ZFP30: variants seen among roughly 807,000 people sequenced by gnomAD.
The protein encoded by ZFP30 is ZFP30 zinc finger protein, also known as zinc finger protein 30 homolog.
In ZFP30, 16 loss-of-function variants were observed where a neutral mutation model predicts 12.3. The observed-to-expected ratio is 1.30, with a 90% CI of 0.88 to 1.98. The LOEUF is 1.98. Ranked by LOEUF, ZFP30 falls within the 30% of genes most tolerant of loss-of-function variation. The probability of loss-of-function intolerance (pLI) is 0.00; values close to 1 mark genes in which losing one functional copy is unlikely to be tolerated. For synonymous variants in ZFP30, 172 were observed against 201.0 expected, an observed-to-expected ratio of 0.86 and a Z score of 1.22; for missense variants, 560 against 611.2, an observed-to-expected ratio of 0.92 and a Z score of 0.88.
chr19:37,655,775 G>A (rs1307476573), upstream of ZFP30: 2 of 152,156 alleles, frequency 1.3e-5, no homozygotes, highest in African/African-American at 4.8e-5. Flanking sequence ...CTCGGAGACA[G>A]GCGGAGGCTG....
rs774598187 is a variant in ZFP30 at position 37,635,206 on chromosome 19, C to G, written c.1335G>C (p.Lys445Asn). Residue 445 changes from lysine (K) to asparagine (N), a missense_variant, in exon 6 of 6, where the codon AAG becomes AAC. Lys to Asn is a moderately conservative substitution (Grantham distance 94, BLOSUM62 0). Coordinates refer to ENST00000684514, the MANE Select transcript of ZFP30 (RefSeq NM_001320669.3). The part of the protein sequence containing the change: ...EKPFKCKECE[K>N]TFRLLSQLTQ... ...TAAGTTGTGAAAGCAGTCTAAAAGTCTTCTCACATTCCTTACACTTAAAGG... is the reference window on the plus strand; with the variant it reads ...TAAGTTGTGAAAGCAGTCTAAAAGTGTTCTCACATTCCTTACACTTAAAGG... 1 of 1,613,430 alleles carries G rather than the reference C, an allele frequency of 6.2e-7. No individual in the cohort carries two copies. Among genetic ancestry groups the G allele is most frequent in the Non-Finnish European group, 8.5e-7 (1 of 1,179,628 alleles).
chr19:37,640,750 TA>T (rs2044418758), intron 5 of ZFP30, among the ~76,000 whole-genome samples: 1 of 151,208 alleles, frequency 6.6e-6, no homozygotes, highest in Non-Finnish European at 1.5e-5. Flanking sequence ...TAAAATAAAG[TA>T]AAATAAAATA....
At chr19:37,641,377 C>A (rs188285022) in intron 5 of ZFP30, among the ~76,000 whole-genome samples, 2 of 152,296 alleles carry the variant, frequency 1.3e-5, no homozygotes, top group Admixed American at 6.5e-5. Context: ...ATAGTTTAAC[C>A]TTATTTTCAT....
chr19:37,650,651 T>C (rs1160586497), intron 2 of ZFP30, among the ~76,000 whole-genome samples: 1 of 152,184 alleles, frequency 6.6e-6, no homozygotes, highest in Non-Finnish European at 1.5e-5. Flanking sequence ...ATAAGAGGCA[T>C]AGTTTTAGCT....
Position 37,631,680 on chromosome 19 carries a change from T to TAAAA in ZFP30, c.*3297_*3300dup, listed in dbSNP as rs59250127. The TAAAA allele has an allele frequency of 1.8e-5, 2 of 111,376 alleles. No individual in the cohort carries two copies. Among genetic ancestry groups the TAAAA allele is most frequent in the African/African-American group, 6.1e-5 (2 of 32,830 alleles). 6.9% of individuals were successfully genotyped at this position (111,376 alleles called of 1,614,324 possible). A position where few individuals can be genotyped will look rare whatever the true frequency, so the allele number is the denominator to read the frequency against. ...ATTCCATTCTTAATACATAGAAAGC[T>TAAAA]AAAAAAAAAAAAAAAAAAAAGACAA... On this transcript the variant is annotated 3_prime_UTR_variant, in exon 6 of 6. Transcript: ENST00000684514.
Position 37,635,055 on chromosome 19 carries a change from A to C in ZFP30, c.1486T>G (p.Cys496Gly). ...CTAAATGCCTTTTTACATTCCTTAC[A>C]TTTGTATGGTTTCTCACCAGAATGA... ...RIHSGEKPYKCKECKKAFRQH... is the reference protein window; with the variant it reads ...RIHSGEKPYKGKECKKAFRQH... The change falls in exon 6 of 6, where the codon TGT (cysteine) becomes GGT (glycine). Residue 496 changes from cysteine (C) to glycine (G), a missense_variant. Cys to Gly is a radical substitution (Grantham distance 159). Coordinates refer to ENST00000684514, the MANE Select transcript of ZFP30 (RefSeq NM_001320669.3). The C allele has an allele frequency of 6.2e-7, 1 of 1,609,178 alleles. No homozygotes were observed.
rs2044282729 is a variant in ZFP30, at chr19:37,634,498, T to C, written c.*483A>G. 1 of 153,116 alleles carries C rather than the reference T, an allele frequency of 6.5e-6. No homozygotes were observed. The highest frequency in any genetic ancestry group is 2.1e-4 in the South Asian group (1 of 4,858). 9.5% of individuals were successfully genotyped at this position (153,116 alleles called of 1,614,324 possible). ...TATTTCATTATGTGTTACACAATAG[T>C]TTTTCTAATATAATTTTCTATTATT... On this transcript the variant is annotated 3_prime_UTR_variant, in exon 6 of 6. Coordinates refer to ENST00000684514, the MANE Select transcript of ZFP30 (RefSeq NM_001320669.3).
At chr19:37,652,549 C>G (rs1438162320) in intron 2 of ZFP30, among the ~76,000 whole-genome samples, 1 of 152,014 alleles carries the variant, frequency 6.6e-6, no homozygotes, top group Non-Finnish European at 1.5e-5. Flanking sequence ...GCCTGGGAAA[C>G]AAGAGCGAAA....
Position 37,638,211 on chromosome 19 carries a change from C to T in ZFP30, c.236-1906G>A, listed in dbSNP as rs116776370. 3.8e-3 allele frequency among the ~76,000 whole-genome samples: 577 copies of T among 152,248 alleles called. 7 individuals carry two copies. The highest frequency in any genetic ancestry group is 0.013 in the African/African-American group (540 of 41,538). ...TTGCATAATCATAAGTGAACTTTGC[C>T]CCCTTTCACGACCAAGGTAATAAGA... is the stretch of plus-strand genomic sequence containing the variant. On this transcript the variant is annotated intron_variant, in intron 5 of 5. Coordinates refer to ENST00000684514, the MANE Select transcript of ZFP30 (RefSeq NM_001320669.3).
chr19:37,634,815 G>T lies in ZFP30; in HGVS notation c.*166C>A, dbSNP rs369701521. 4 of 715,250 alleles carry T rather than the reference G, an allele frequency of 5.6e-6. No homozygotes were observed. Among genetic ancestry groups the T allele is most frequent in the East Asian group, 6.1e-5 (2 of 32,616 alleles). The allele number at this position is 715,250 out of a possible 1,614,324, so 44.3% of individuals were successfully genotyped here. ...AGTTTAACATGGTTTCAAAGGTGAT[G>T]AAAGGCTTCTATATGTTCATTAACA... On this transcript the variant is annotated 3_prime_UTR_variant, in exon 6 of 6. Coordinates refer to ENST00000684514, the MANE Select transcript of ZFP30 (RefSeq NM_001320669.3).
rs1330743198 is a variant in ZFP30, at chr19:37,644,638, T to G, written c.108A>C (p.Leu36Phe). 2.5e-6 allele frequency: 4 copies of G among 1,610,498 alleles called. No homozygotes were observed. Among genetic ancestry groups the G allele is most frequent in the Non-Finnish European group, 3.4e-6 (4 of 1,178,724 alleles). The change falls in exon 4 of 6, where the codon TTA becomes TTC. Residue 36 changes from leucine (L) to phenylalanine (F), a missense_variant. Leu to Phe is a conservative substitution (Grantham distance 22). Coordinates refer to ENST00000684514, the MANE Select transcript of ZFP30 (RefSeq NM_001320669.3). ...GTGACACCAAGTTGCTATAGTTCTCTAATATCACATCTCTGTACAAATTCC... is the reference window on the plus strand; with the variant it reads ...GTGACACCAAGTTGCTATAGTTCTCGAATATCACATCTCTGTACAAATTCC... The part of the protein sequence containing the change: ...YQRNLYRDVI[L>F]ENYSNLVSLA...
intron 3 of ZFP30, among the ~76,000 whole-genome samples, chr19:37,647,017 GACT>G (rs2044555810): frequency 2.6e-5 from 4 of 152,008 alleles, no homozygotes; most frequent in Middle Eastern, 3.4e-3. Flanking sequence ...TTTTTAATGT[GACT>G]ACTAAAGTAT....
At position 37,634,681 on chromosome 19, in the gene ZFP30, C is replaced by T. The variant is rs146905198; in HGVS notation, c.*300G>A. Reference sequence around the variant, plus strand: ...AATGAAGTGGTTCCCTAGCAACCTTCGTGTGTATATACACAGATGGAAGAA... The same window carrying T: ...AATGAAGTGGTTCCCTAGCAACCTTTGTGTGTATATACACAGATGGAAGAA... On this transcript the variant is annotated 3_prime_UTR_variant, in exon 6 of 6. Coordinates refer to ENST00000684514, the MANE Select transcript of ZFP30 (RefSeq NM_001320669.3). 1.2e-3 allele frequency: 288 copies of T among 246,586 alleles called. 4 individuals are homozygous for T. In the East Asian group the frequency reaches 0.022, roughly 19 times the overall value. 15.3% of individuals were successfully genotyped at this position (246,586 alleles called of 1,614,324 possible).
At chr19:37,655,767 C>G (rs1384344450), upstream of ZFP30, 3 of 152,232 alleles carry the variant, frequency 2.0e-5, no homozygotes, top group East Asian at 1.9e-4. Flanking sequence ...GTTCTCGGCT[C>G]GGAGACAGGC....
Position 37,635,894 on chromosome 19 carries a change from C to T in ZFP30, c.647G>A (p.Cys216Tyr). 1 of 1,614,170 alleles carries T rather than the reference C, an allele frequency of 6.2e-7. No individual in the cohort carries two copies. Among genetic ancestry groups the T allele is most frequent in the Non-Finnish European group, 8.5e-7 (1 of 1,180,016 alleles). ...RIHTSDKLYE[C>Y]KKCGKIFTCG... Reference sequence around the variant, plus strand: ...TGTGAAGATCTTTCCACATTTTTTACATTCATAGAGTTTGTCAGAAGTATG... The same window carrying T: ...TGTGAAGATCTTTCCACATTTTTTATATTCATAGAGTTTGTCAGAAGTATG... The change falls in exon 6 of 6, where the codon TGT (cysteine) becomes TAT (tyrosine). Residue 216 changes from cysteine (C) to tyrosine (Y), a missense_variant. Coordinates refer to ENST00000684514, the MANE Select transcript of ZFP30 (RefSeq NM_001320669.3).
Position 37,634,748 on chromosome 19 carries a change from T to C in ZFP30, c.*233A>G, listed in dbSNP as rs1218717413. ...GGTAAGATCAAAAGCTTTTCCACAT[T>C]CAGTCCTGTAATAAAGTTCTTTTCT... is the stretch of plus-strand genomic sequence containing the variant. On this transcript the variant is annotated 3_prime_UTR_variant, in exon 6 of 6. Transcript: ENST00000684514. 2.3e-6 allele frequency: 1 copy of C among 426,424 alleles called. No homozygotes were observed. Among genetic ancestry groups the C allele is most frequent in the Non-Finnish European group, 4.0e-6 (1 of 247,872 alleles). The allele number at this position is 426,424 out of a possible 1,614,324, so 26.4% of individuals were successfully genotyped here.
intron 5 of ZFP30, 97 bp from the exon 6 acceptor site, chr19:37,636,402 AAG>A: frequency 7.9e-7 from 1 of 1,269,398 alleles, no homozygotes; most frequent in Non-Finnish European, 1.0e-6. Context: ...AAAAAAAAAA[AAG>A]AAAAAGAAAG....
intron 3 of ZFP30, among the ~76,000 whole-genome samples, chr19:37,646,198 G>A (rs973593377): frequency 6.6e-6 from 1 of 152,106 alleles, no homozygotes; most frequent in Non-Finnish European, 1.5e-5. Context: ...TAAATATAGG[G>A]TTCCATACTA....
In ZFP30 at chr19:37,634,727, AG is replaced by A. The variant is rs1876607773; in HGVS notation, c.*253del. The A allele has an allele frequency of 2.7e-6, 1 of 374,140 alleles. No individual in the cohort carries two copies. Among genetic ancestry groups the A allele is most frequent in the Admixed American group, 4.1e-5 (1 of 24,314 alleles). The allele number at this position is 374,140 out of a possible 1,614,324, so 23.2% of individuals were successfully genotyped here. Reference sequence around the variant, plus strand: ...AAGAATATGGAGATAATAATAGGTAAGATCAAAAGCTTTTCCACATTCAGTC... The same window carrying A: ...AAGAATATGGAGATAATAATAGGTAAATCAAAAGCTTTTCCACATTCAGTC... On this transcript the variant is annotated 3_prime_UTR_variant, in exon 6 of 6. Coordinates refer to ENST00000684514, the MANE Select transcript of ZFP30 (RefSeq NM_001320669.3).
Sources: gnomAD v4.1 joint callset for allele counts (sites outside exome capture counted in the v4.1 genomes callset) on GRCh38, gnomAD v4.1.1 for gene constraint, MANE v1.5 for transcripts, NCBI Gene and HGNC (gene_info 2026-07-23, HGNC 2026-07-21) for gene names.